RBFOX1: variants seen among roughly 807,000 people sequenced by gnomAD.
The protein encoded by RBFOX1 is RNA binding protein fox-1 homolog 1.
Under a neutral mutation model 57.7 loss-of-function variants are expected in RBFOX1, and 8 were observed. The ratio of observed to expected loss-of-function variants is 0.14; its 90% CI spans 0.08 to 0.25. RBFOX1 has a LOEUF of 0.25. Ranked by LOEUF, RBFOX1 falls within the 10% of genes least tolerant of loss-of-function variation. The pLI, the probability that RBFOX1 is intolerant of heterozygous loss-of-function variation, is 1.00. For synonymous variants in RBFOX1, 326 were observed against 222.4 expected, an observed-to-expected ratio of 1.47 and a Z score of -4.15; for missense variants, 611 against 548.5, an observed-to-expected ratio of 1.11 and a Z score of -1.14.
chr16:6,835,476 G>GGT (rs2093025758), intron 3 of RBFOX1, among the ~76,000 whole-genome samples: 1 of 152,018 alleles, frequency 6.6e-6, no homozygotes, highest in Non-Finnish European at 1.5e-5. Context: ...TTCTTGGCCG[G>GGT]GTGTGGTGGT....
At chr16:7,149,485 T>C (rs1448955873) in intron 4 of RBFOX1, among the ~76,000 whole-genome samples, 1 of 3,708 alleles carries the variant, frequency 2.7e-4, no homozygotes, top group Non-Finnish European at 1.2e-3. Flanking sequence ...TTTCTTTCCT[T>C]TTTTTTTTTT....
rs116434256 is a variant in RBFOX1, at chr16:6,732,489, C to T, written c.-16+77839C>T. 5.3e-3 allele frequency among the ~76,000 whole-genome samples: 801 copies of T among 152,272 alleles called. 3 individuals are homozygous for T. Among genetic ancestry groups the T allele is most frequent in the African/African-American group, 0.019 (775 of 41,558 alleles). On this transcript the variant is annotated intron_variant, in intron 3 of 15. Coordinates refer to ENST00000550418, the MANE Select transcript of RBFOX1 (RefSeq NM_018723.4). ...CACCTGATTCATTGAGTATCTCTTC[C>T]AGGGGGATGGGCTTAGGATCGTAAT... is the stretch of plus-strand genomic sequence containing the variant.
chr16:5,607,104 G>C (rs1312387944), intron 3 of RBFOX1, among the ~76,000 whole-genome samples: 1 of 152,206 alleles, frequency 6.6e-6, no homozygotes, highest in Non-Finnish European at 1.5e-5. Context: ...CCTCACTGGA[G>C]TGGGCTGGGG....
At position 6,873,603 on chromosome 16, in the gene RBFOX1, T is replaced by A. The variant is rs947512523; in HGVS notation, c.-15-178454T>A. 2.2e-4 allele frequency among the ~76,000 whole-genome samples: 33 copies of A among 152,122 alleles called. 1 individual carries two copies. On this transcript the variant is annotated intron_variant, in intron 3 of 15. Coordinates refer to ENST00000550418, the MANE Select transcript of RBFOX1 (RefSeq NM_018723.4). ...TGAGTTAAACATATTACACGTCTAG[T>A]TTTTACTGGGATTGTGTAAGATTTT...
At chr16:7,308,382 G>C (rs1005535660) in intron 4 of RBFOX1, among the ~76,000 whole-genome samples, 6 of 149,484 alleles carry the variant, frequency 4.0e-5, no homozygotes, top group African/African-American at 9.9e-5. Context: ...TACACCACCA[G>C]CGTCTCTCAG....
At chr16:5,528,688 C>T (rs531056574) in intron 2 of RBFOX1, among the ~76,000 whole-genome samples, 15 of 150,814 alleles carry the variant, frequency 9.9e-5, no homozygotes, top group Middle Eastern at 3.2e-3. Flanking sequence ...CTCACTCTGT[C>T]GCCCAGGCTG....
chr16:6,383,277 A>G (rs989185796), intron 2 of RBFOX1, among the ~76,000 whole-genome samples: 2 of 152,264 alleles, frequency 1.3e-5, no homozygotes, highest in Admixed American at 1.3e-4. Context: ...ACTAAAGCTG[A>G]ACCTCTTAAA....
chr16:5,575,272 C>G (rs532545524), intron 2 of RBFOX1, among the ~76,000 whole-genome samples: 35 of 152,244 alleles, frequency 2.3e-4, no homozygotes, highest in African/African-American at 8.4e-4. Flanking sequence ...GAAAAGCAAA[C>G]CATTGATCAT....
rs2097618565 is a variant in RBFOX1 at position 6,252,065 on chromosome 16, C to T, written c.-126-64930C>T. 3.3e-5 allele frequency among the ~76,000 whole-genome samples: 5 copies of T among 152,164 alleles called. No homozygotes were observed. The East Asian group carries it at 9.7e-4, about 30-fold the overall frequency. ...CTCCTTGCTTGATGGAGGTTCGTGG[C>T]CCTGAGCATTTCTAAGCATCCTCAT... On this transcript the variant is annotated intron_variant, in intron 1 of 15. Coordinates refer to ENST00000550418, the MANE Select transcript of RBFOX1 (RefSeq NM_018723.4).
intron 3 of RBFOX1, among the ~76,000 whole-genome samples, chr16:5,735,961 G>A (rs574652997): frequency 6.6e-6 from 1 of 152,120 alleles, no homozygotes; most frequent in African/African-American, 2.4e-5. Context: ...GGAAGGCGCG[G>A]GTAGAGTACA....
chr16:7,126,949 C>T (rs965563202), intron 4 of RBFOX1, among the ~76,000 whole-genome samples: 1 of 148,076 alleles, frequency 6.8e-6, no homozygotes, highest in Non-Finnish European at 1.5e-5. Flanking sequence ...GCAGAGGTTG[C>T]AGTGAGCCAA....
intron 1 of RBFOX1, among the ~76,000 whole-genome samples, chr16:5,242,711 G>C (rs560187987): frequency 0.01 from 1,596 of 152,152 alleles, 19 homozygotes; most frequent in Non-Finnish European, 0.015. Context: ...GATTATTTTG[G>C]ACTTTTCTCT....
chr16:7,643,515 T>C (rs1207001792), intron 11 of RBFOX1, among the ~76,000 whole-genome samples: 1 of 152,190 alleles, frequency 6.6e-6, no homozygotes, highest in Non-Finnish European at 1.5e-5. Flanking sequence ...TCTTCCAAAT[T>C]AGAAATTTCT....
intron 4 of RBFOX1, among the ~76,000 whole-genome samples, chr16:7,425,595 T>C (rs2098602833): frequency 6.6e-6 from 1 of 152,250 alleles, no homozygotes; most frequent in African/African-American, 2.4e-5. Context: ...CATAGTTTCC[T>C]CTTGCTCATT....
intron 1 of RBFOX1, among the ~76,000 whole-genome samples, chr16:5,374,256 A>G (rs904866939): frequency 5.9e-5 from 9 of 152,358 alleles, no homozygotes; most frequent in Non-Finnish European, 1.2e-4. Context: ...TCAGGTAGTT[A>G]TTTATAGCAA....
chr16:6,420,208 C>A (rs1423516734), intron 2 of RBFOX1, among the ~76,000 whole-genome samples: 1 of 152,014 alleles, frequency 6.6e-6, no homozygotes, highest in African/African-American at 2.4e-5. Context: ...TCAGCAGAGC[C>A]TGAAAAAAAT....
At chr16:7,363,536 C>G (rs917141941) in intron 4 of RBFOX1, among the ~76,000 whole-genome samples, 1 of 151,960 alleles carries the variant, frequency 6.6e-6, no homozygotes, top group Non-Finnish European at 1.5e-5. Flanking sequence ...GTGGGCCTCT[C>G]AGCCTGGCAA....
rs145249000 is a variant in RBFOX1, at chr16:6,489,604, C to T, written c.-63-164999C>T. ...GCTTCTAAATGTACAGAAGCCTAAG[C>T]GTTGAGGCACCATCTTCACCCGAGT... On this transcript the variant is annotated intron_variant, in intron 2 of 15. Coordinates refer to ENST00000550418, the MANE Select transcript of RBFOX1 (RefSeq NM_018723.4). Among the ~76,000 whole-genome samples, 6 of 152,194 alleles carry T rather than the reference C, an allele frequency of 3.9e-5. No individual in the cohort carries two copies. In the East Asian group the frequency reaches 5.8e-4, roughly 15 times the overall value.
chr16:5,503,697 GCCT>G (rs2043280191), intron 2 of RBFOX1, among the ~76,000 whole-genome samples: 1 of 152,112 alleles, frequency 6.6e-6, no homozygotes, highest in South Asian at 2.1e-4. Context: ...ATCTGCCTCG[GCCT>G]CCCAAAGTGC....
Sources: gnomAD v4.1 joint callset for allele counts (sites outside exome capture counted in the v4.1 genomes callset) on GRCh38, gnomAD v4.1.1 for gene constraint, MANE v1.5 for transcripts, NCBI Gene and HGNC (gene_info 2026-07-23, HGNC 2026-07-21) for gene names.